The following LIMCH1 variants were observed in gnomAD, a reference collection of about 807,000 sequenced individuals.
The protein encoded by LIMCH1 is LIM and calponin homology domains 1.
LIMCH1 carries 113 observed loss-of-function variants against 176.5 expected under a neutral mutation model. That is an observed-to-expected ratio of 0.64 (90% confidence interval 0.55 to 0.75). LIMCH1 has a LOEUF of 0.75. Among genes scored for constraint, LIMCH1 ranks in the 30% least tolerant of loss-of-function variants. The pLI is 0.00. For missense variants in LIMCH1, 1,674 were observed against 1,814.9 expected, an observed-to-expected ratio of 0.92 and a Z score of 1.41; for synonymous variants, 619 against 645.9, an observed-to-expected ratio of 0.96 and a Z score of 0.63.
At chr4:41,487,829 T>A (rs2069950786) in intron 1 of LIMCH1, among the ~76,000 whole-genome samples, 1 of 151,756 alleles carries the variant, frequency 6.6e-6, no homozygotes, top group Middle Eastern at 3.2e-3. Flanking sequence ...ATTTTTTGTA[T>A]TTTTAGTAGA....
intron 2 of LIMCH1, among the ~76,000 whole-genome samples, chr4:41,496,532 T>G (rs948480273): frequency 3.9e-5 from 6 of 152,074 alleles, no homozygotes; most frequent in Non-Finnish European, 7.4e-5. Flanking sequence ...CACACAAATT[T>G]CTAGGCATGG....
chr4:41,532,923 G>T (rs958215221), intron 3 of LIMCH1, among the ~76,000 whole-genome samples: 1 of 152,122 alleles, frequency 6.6e-6, no homozygotes, highest in Non-Finnish European at 1.5e-5. Flanking sequence ...AGGCTTAGCT[G>T]GGTCTCTGGT....
Position 41,662,834 on chromosome 4 carries a change from TACA to T in LIMCH1, c.3147_3149del (p.Thr1050del), listed in dbSNP as rs2094675417. ...ACTCCATTGCAGAACCACAGCATTT[TACA>T]ACAACTGTGACTCGATGCAGCCCGA... On this transcript the variant is annotated inframe_deletion, in exon 20 of 32. Transcript: ENST00000503057. The T allele has an allele frequency of 3.7e-6, 6 of 1,613,962 alleles. No homozygotes were observed. The highest frequency in any genetic ancestry group is 2.2e-5 in the South Asian group (2 of 91,078).
intron 1 of LIMCH1, among the ~76,000 whole-genome samples, chr4:41,469,720 C>T (rs376083108): frequency 2.2e-5 from 3 of 137,950 alleles, no homozygotes; most frequent in South Asian, 2.5e-4. Flanking sequence ...CTCTCTCTGT[C>T]GCCCAGGCTG....
upstream of LIMCH1, chr4:41,538,099 G>A (rs1467528603): frequency 3.3e-6 from 3 of 909,552 alleles, no homozygotes; most frequent in Non-Finnish European, 2.6e-6. Context: ...GGGCTTCTCC[G>A]CCTCCCTCTC....
At chr4:41,510,525 T>G (rs2074754332) in intron 2 of LIMCH1, among the ~76,000 whole-genome samples, 1 of 152,192 alleles carries the variant, frequency 6.6e-6, no homozygotes, top group Admixed American at 6.5e-5. Context: ...GTTCTGAATG[T>G]TCCCTTTGGT....
chr4:41,531,537 A>C (rs2077315060), intron 3 of LIMCH1, among the ~76,000 whole-genome samples: 1 of 147,020 alleles, frequency 6.8e-6, no homozygotes, highest in Admixed American at 6.8e-5. Context: ...ATACTTGCCA[A>C]CTCTCCCAAA....
intron 1 of LIMCH1, among the ~76,000 whole-genome samples, chr4:41,405,999 G>T (rs532314059): frequency 1.3e-5 from 2 of 152,110 alleles, no homozygotes; most frequent in African/African-American, 2.4e-5. Flanking sequence ...TTGTGTCAGG[G>T]GAGCAGTTTG....
At chr4:41,425,401 C>T (rs1224557272) in intron 1 of LIMCH1, among the ~76,000 whole-genome samples, 1 of 152,184 alleles carries the variant, frequency 6.6e-6, no homozygotes, top group Admixed American at 6.5e-5. Flanking sequence ...GGCTGGAATG[C>T]AGTGGCATGA....
intron 1 of LIMCH1, among the ~76,000 whole-genome samples, chr4:41,566,812 A>G (rs2082840806): frequency 6.6e-6 from 1 of 152,258 alleles, no homozygotes; most frequent in African/African-American, 2.4e-5. Flanking sequence ...ACTTAAAAAA[A>G]GAAGAGTTTT....
chr4:41,677,567 C>A (rs2153034984), intron 23 of LIMCH1, among the ~76,000 whole-genome samples: 1 of 152,280 alleles, frequency 6.6e-6, no homozygotes. Context: ...AACCTAGCAA[C>A]CTAAAGAACT....
Position 41,418,164 on chromosome 4 carries a change from G to A in LIMCH1, c.96+57228G>A, listed in dbSNP as rs140530940. On this transcript the variant is annotated intron_variant, in intron 1 of 26. Transcript: ENST00000313860. Reference sequence around the variant, plus strand: ...TTGTGAGGATAGGTGAAGTTTTAGCGAATAAGTCATGTAGTATTAAATCTC... The same window carrying A: ...TTGTGAGGATAGGTGAAGTTTTAGCAAATAAGTCATGTAGTATTAAATCTC... Among the ~76,000 whole-genome samples, 837 of 152,230 alleles carry A rather than the reference G, an allele frequency of 5.5e-3. 14 individuals are homozygous for A. Among genetic ancestry groups the A allele is most frequent in the African/African-American group, 0.018 (768 of 41,532 alleles).
chr4:41,558,068 G>A (rs183611724), intron 1 of LIMCH1, among the ~76,000 whole-genome samples: 1 of 152,098 alleles, frequency 6.6e-6, no homozygotes, highest in East Asian at 1.9e-4. Context: ...GACCCCTCAC[G>A]GTGCCTGGAT....
At chr4:41,419,561 C>CCCTTCCTTCCTTCCTTCCTTCCTT (rs536061729) in intron 1 of LIMCH1, among the ~76,000 whole-genome samples, 3 of 116,276 alleles carry the variant, frequency 2.6e-5, no homozygotes, top group Admixed American at 8.9e-5. Flanking sequence ...CTTTCCTTTC[C>CCCTTCCTTCCTTCCTTCCTTCCTT]CCTTCCTTCC....
intron 1 of LIMCH1, among the ~76,000 whole-genome samples, chr4:41,556,606 CCATCT>C (rs2081302646): frequency 6.6e-6 from 1 of 151,956 alleles, no homozygotes; most frequent in African/African-American, 2.4e-5. Context: ...TTACGCCTCC[CCATCT>C]ACAGTGGAGG....
intron 2 of LIMCH1, among the ~76,000 whole-genome samples, chr4:41,520,115 G>T (rs1040912934): frequency 6.6e-6 from 1 of 152,156 alleles, no homozygotes. Context: ...ATATAAATCA[G>T]ATTATCTCAG....
At chr4:41,513,066 A>C (rs1375917144) in intron 2 of LIMCH1, among the ~76,000 whole-genome samples, 1 of 152,232 alleles carries the variant, frequency 6.6e-6, no homozygotes, top group African/African-American at 2.4e-5. Context: ...ATTTTAGAAC[A>C]TCATTGAAGA....
rs73137303 is a variant in LIMCH1, at chr4:41,640,724, T to C, written c.2126+1757T>C. On this transcript the variant is annotated intron_variant, in intron 14 of 31. Transcript: ENST00000503057. ...CTATTTTTAGTTTATTCCCTTAATA[T>C]CTCCTTTTTCCAAAATCTTTAAAGG... Among the ~76,000 whole-genome samples, 686 of 152,324 alleles carry C rather than the reference T, an allele frequency of 4.5e-3. 2 individuals carry two copies. Among genetic ancestry groups the C allele is most frequent in the African/African-American group, 0.015 (613 of 41,568 alleles).
intron 1 of LIMCH1, among the ~76,000 whole-genome samples, chr4:41,420,155 G>A (rs1371594067): frequency 1.3e-5 from 2 of 152,134 alleles, no homozygotes; most frequent in African/African-American, 4.8e-5. Context: ...AATACTGTCA[G>A]CCAGACCTGA....
Sources: allele counts gnomAD v4.1 joint callset (sites outside exome capture counted in the v4.1 genomes callset), GRCh38; gene constraint gnomAD v4.1.1; transcripts MANE v1.5; gene names NCBI Gene and HGNC (gene_info 2026-07-23, HGNC 2026-07-21).